The following FSTL5 variants were observed in gnomAD, a reference collection of about 807,000 sequenced individuals.
FSTL5 encodes follistatin-related protein 5.
A neutral mutation model predicts 89.1 loss-of-function variants in FSTL5; 62 were observed. The observed-to-expected ratio is 0.70, with a 90% CI of 0.57 to 0.86. The LOEUF is 0.86. FSTL5 is among the 40% of genes least tolerant of loss of function. The pLI, the probability that FSTL5 is intolerant of heterozygous loss-of-function variation, is 0.00. For synonymous variants in FSTL5, 383 were observed against 346.2 expected, an observed-to-expected ratio of 1.11 and a Z score of -1.18; for missense variants, 1,057 against 1,001.6, an observed-to-expected ratio of 1.06 and a Z score of -0.75.
chr4:161,707,560 A>C (rs769833834), intron 6 of FSTL5, among the ~76,000 whole-genome samples: 4 of 151,948 alleles, frequency 2.6e-5, no homozygotes, highest in Non-Finnish European at 5.9e-5. Flanking sequence ...AAAGCTTACT[A>C]ATGAAAATGA....
chr4:161,482,563 A>T (rs774200433), intron 12 of FSTL5, among the ~76,000 whole-genome samples: 1 of 152,284 alleles, frequency 6.6e-6, no homozygotes, highest in East Asian at 1.9e-4. Flanking sequence ...ACAAAAATCA[A>T]CCACACTTTC....
intron 4 of FSTL5, among the ~76,000 whole-genome samples, chr4:161,866,901 C>G (rs979612218): frequency 1.3e-5 from 2 of 151,750 alleles, no homozygotes; most frequent in African/African-American, 4.8e-5. Context: ...AATTTATATG[C>G]AGCAATTAAG....
intron 4 of FSTL5, among the ~76,000 whole-genome samples, chr4:161,779,218 A>G (rs1211727797): frequency 6.6e-6 from 1 of 152,192 alleles, no homozygotes; most frequent in Admixed American, 6.5e-5. Flanking sequence ...AAATTGTTGT[A>G]AATTTCTTCT....
intron 6 of FSTL5, among the ~76,000 whole-genome samples, chr4:161,742,338 C>T (rs983144557): frequency 2.6e-5 from 4 of 152,086 alleles, no homozygotes; most frequent in African/African-American, 7.2e-5. Flanking sequence ...ATGTACAAAG[C>T]TGCATTATTA....
chr4:162,089,562 G>A (rs1028961584), intron 2 of FSTL5, among the ~76,000 whole-genome samples: 30 of 149,302 alleles, frequency 2.0e-4, no homozygotes, highest in African/African-American at 6.0e-4. Flanking sequence ...GAACCCTGGA[G>A]GCGGAGGTTG....
At position 162,127,905 on chromosome 4, in the gene FSTL5, A is replaced by G. The variant is rs918531349; in HGVS notation, c.-16-16493T>C. On this transcript the variant is annotated intron_variant, in intron 1 of 15. Transcript: ENST00000306100. ...TACACATTTATGGGATACACAGCCTATAAGTAATTCAAATTATTCACTAAG... is the reference window on the plus strand; with the variant it reads ...TACACATTTATGGGATACACAGCCTGTAAGTAATTCAAATTATTCACTAAG... Among the ~76,000 whole-genome samples, 12 of 152,302 alleles carry G rather than the reference A, an allele frequency of 7.9e-5. No individual in the cohort carries two copies. The South Asian group carries it at 2.1e-3, about 26-fold the overall frequency.
chr4:161,995,138 T>G (rs1165982690), intron 3 of FSTL5, among the ~76,000 whole-genome samples: 2 of 152,128 alleles, frequency 1.3e-5, no homozygotes, highest in African/African-American at 4.8e-5. Context: ...AGAGGTGTAC[T>G]CTGATAGAAT....
At chr4:161,409,995 A>T (rs1245936007) in intron 15 of FSTL5, among the ~76,000 whole-genome samples, 2 of 152,212 alleles carry the variant, frequency 1.3e-5, no homozygotes, top group Non-Finnish European at 2.9e-5. Context: ...GACCGATTTC[A>T]CATCTATTGA....
chr4:161,789,270 T>G (rs770310266), intron 4 of FSTL5, among the ~76,000 whole-genome samples: 2 of 152,254 alleles, frequency 1.3e-5, no homozygotes, highest in Middle Eastern at 6.8e-3. Context: ...ATATACTGAT[T>G]CTTAGTATTT....
At chr4:161,509,215 A>ATTGCTT (rs776779015) in intron 11 of FSTL5, among the ~76,000 whole-genome samples, 3 of 152,116 alleles carry the variant, frequency 2.0e-5, no homozygotes, top group Non-Finnish European at 4.4e-5. Flanking sequence ...AGGCAGGAGA[A>ATTGCTT]TTGCTTGAAC....
In FSTL5 at chr4:161,448,277, T is replaced by C. The variant is rs894607578; in HGVS notation, c.1841+6727A>G. 7.9e-5 allele frequency among the ~76,000 whole-genome samples: 12 copies of C among 152,274 alleles called. No homozygotes were observed. In the East Asian group the frequency reaches 2.1e-3, roughly 27 times the overall value. On this transcript the variant is annotated intron_variant, in intron 15 of 15. Coordinates refer to ENST00000306100, the MANE Select transcript of FSTL5 (RefSeq NM_020116.5). ...AAACAATTTTAATTGCAGTTCATCATCCCAAGATTTTACTTTTCTCTAAAT... is the reference window on the plus strand; with the variant it reads ...AAACAATTTTAATTGCAGTTCATCACCCCAAGATTTTACTTTTCTCTAAAT...
chr4:161,834,657 AACAG>A (rs1730972302), intron 4 of FSTL5, among the ~76,000 whole-genome samples: 1 of 150,150 alleles, frequency 6.7e-6, no homozygotes, highest in Non-Finnish European at 1.5e-5. Context: ...ATACACCAAT[AACAG>A]ACAAACAGAG....
chr4:162,157,806 C>A (rs896808048), intron 1 of FSTL5, among the ~76,000 whole-genome samples: 2 of 152,038 alleles, frequency 1.3e-5, no homozygotes, highest in Non-Finnish European at 2.9e-5. Context: ...AACTTTCTGG[C>A]ACACCTGGGA....
intron 4 of FSTL5, among the ~76,000 whole-genome samples, chr4:161,832,788 T>A (rs1485455199): frequency 1.3e-5 from 2 of 151,624 alleles, no homozygotes; most frequent in African/African-American, 4.8e-5. Flanking sequence ...TTTATTAGTC[T>A]TGCTAGCGGT....
At chr4:161,601,326 T>C (rs9308033) in intron 7 of FSTL5, among the ~76,000 whole-genome samples, 100,287 of 128,770 alleles carry the variant, frequency 0.78, 38,072 homozygotes, top group East Asian at 0.94. Flanking sequence ...TCTTAAATAG[T>C]TGGAAAAAAA....
Position 161,992,847 on chromosome 4 carries a change from C to CAAA in FSTL5, c.160+40775_160+40777dup, listed in dbSNP as rs60808579. ...GGGCAACAAGAGTGAAACTCCATCT[C>CAAA]AAAAAAAAAAAAAAATATATATATA... On this transcript the variant is annotated intron_variant, in intron 3 of 15. Transcript: ENST00000306100. Among the ~76,000 whole-genome samples the CAAA allele has an allele frequency of 1.0e-3, 23 of 22,888 alleles. 1 individual carries two copies. The highest frequency in any genetic ancestry group is 1.6e-3 in the African/African-American group (9 of 5,740). The allele number at this position is 22,888 out of a possible 152,430, so 15.0% of individuals were successfully genotyped here.
At chr4:161,974,364 A>G (rs1735571575) in intron 3 of FSTL5, among the ~76,000 whole-genome samples, 1 of 151,246 alleles carries the variant, frequency 6.6e-6, no homozygotes, top group Non-Finnish European at 1.5e-5. Flanking sequence ...CTACAAGGCT[A>G]CAGTAACCAA....
At chr4:161,388,376 C>T (rs1730714942) in intron 15 of FSTL5, 2 of 151,822 alleles carry the variant, frequency 1.3e-5, no homozygotes, top group Admixed American at 6.6e-5. Context: ...ATATTAATGC[C>T]TTGTGTGTAA....
chr4:161,576,188 A>G (rs575134356), intron 8 of FSTL5, among the ~76,000 whole-genome samples: 2 of 152,312 alleles, frequency 1.3e-5, no homozygotes, highest in African/African-American at 4.8e-5. Context: ...ACAAATGGAA[A>G]AACATTCCAT....
Sources: allele counts gnomAD v4.1 joint callset (sites outside exome capture counted in the v4.1 genomes callset), GRCh38; gene constraint gnomAD v4.1.1; transcripts MANE v1.5; gene names NCBI Gene and HGNC (gene_info 2026-07-23, HGNC 2026-07-21).